The following ANKFN1 variants were observed in gnomAD, a reference collection of about 807,000 sequenced individuals.
ANKFN1 encodes ankyrin repeat and fibronectin type-III domain-containing protein 1.
ANKFN1 carries 74 observed loss-of-function variants against 108.7 expected under a neutral mutation model. The observed-to-expected ratio is 0.68, with a 90% CI of 0.56 to 0.83. The LOEUF is 0.83. Among genes scored for constraint, ANKFN1 ranks in the 40% least tolerant of loss-of-function variants. The pLI, the probability that ANKFN1 is intolerant of heterozygous loss-of-function variation, is 0.00. For missense variants in ANKFN1, 1,505 were observed against 1,382.3 expected, an observed-to-expected ratio of 1.09 and a Z score of -1.41; for synonymous variants, 547 against 516.2, an observed-to-expected ratio of 1.06 and a Z score of -0.81.
At chr17:56,346,679 A>G (rs531646122) in intron 4 of ANKFN1, among the ~76,000 whole-genome samples, 1 of 152,038 alleles carries the variant, frequency 6.6e-6, no homozygotes, top group East Asian at 1.9e-4. Context: ...CTTTGCTGTT[A>G]TGGAGAAAGG....
In ANKFN1 at chr17:56,456,803, T is replaced by C. The variant is rs1220414954; in HGVS notation, c.1208-58T>C. 12 of 1,391,912 alleles carry C rather than the reference T, an allele frequency of 8.6e-6. No homozygotes were observed. In the African/African-American group the frequency reaches 1.6e-4, roughly 18 times the overall value. 86.2% of individuals were successfully genotyped at this position (1,391,912 alleles called of 1,614,324 possible). On this transcript the variant is annotated intron_variant, in intron 11 of 20. Coordinates refer to ENST00000682825, the MANE Select transcript of ANKFN1 (RefSeq NM_001370326.1). Reference sequence around the variant, plus strand: ...AAGGCAGGAAGGTAGGAAAATGGAATTGGGGGTGTTGATCTGCCCAGTGGA... The same window carrying C: ...AAGGCAGGAAGGTAGGAAAATGGAACTGGGGGTGTTGATCTGCCCAGTGGA...
At chr17:56,198,510 A>G (rs559669666) in intron 1 of ANKFN1, among the ~76,000 whole-genome samples, 2 of 152,112 alleles carry the variant, frequency 1.3e-5, no homozygotes, top group Admixed American at 6.5e-5. Context: ...GTGTGGCCCC[A>G]TTCCTAATAG....
chr17:56,048,150 A>G (rs1486976971), intron 4 of ANKFN1, among the ~76,000 whole-genome samples: 4 of 152,224 alleles, frequency 2.6e-5, no homozygotes, highest in African/African-American at 7.2e-5. Flanking sequence ...CAACTTTCAT[A>G]GAGATTATCA....
chr17:56,400,356 A>C (rs1305153137), intron 8 of ANKFN1, among the ~76,000 whole-genome samples: 1 of 151,864 alleles, frequency 6.6e-6, no homozygotes, highest in Non-Finnish European at 1.5e-5. Flanking sequence ...GCATTTTTTC[A>C]TATGTTTGTT....
intron 4 of ANKFN1, among the ~76,000 whole-genome samples, chr17:56,064,119 C>T (rs2143117254): frequency 6.6e-6 from 1 of 152,288 alleles, no homozygotes; most frequent in African/African-American, 2.4e-5. Context: ...GTGCGTACTC[C>T]TTCTTCTGGG....
At chr17:56,504,937 T>G (rs920063823) in intron 20 of ANKFN1, among the ~76,000 whole-genome samples, 5 of 151,458 alleles carry the variant, frequency 3.3e-5, no homozygotes, top group Non-Finnish European at 5.9e-5. Flanking sequence ...CCTCCCAAAG[T>G]GCTGGGATTA....
intron 1 of ANKFN1, among the ~76,000 whole-genome samples, chr17:56,167,314 C>CAT (rs1486250052): frequency 1.0e-4 from 7 of 69,892 alleles, no homozygotes; most frequent in African/African-American, 4.0e-4. Flanking sequence ...TACACACACA[C>CAT]ACACATATAT....
Position 56,239,022 on chromosome 17 carries a change from G to T in ANKFN1, c.53+11065G>T, listed in dbSNP as rs548651367. On this transcript the variant is annotated intron_variant, in intron 3 of 20. Coordinates refer to ENST00000682825, the MANE Select transcript of ANKFN1 (RefSeq NM_001370326.1). ...AGACAATCTCCTAAGTCTTCAGCAG[G>T]CAGTTTCTACCATCCTTGCCATGAA... Among the ~76,000 whole-genome samples, 3 of 152,198 alleles carry T rather than the reference G, an allele frequency of 2.0e-5. No homozygotes were observed. In the South Asian group the frequency reaches 6.2e-4, roughly 32 times the overall value.
chr17:56,123,568 A>C (rs2143307277), intron 4 of ANKFN1, among the ~76,000 whole-genome samples: 1 of 152,332 alleles, frequency 6.6e-6, no homozygotes, highest in South Asian at 2.1e-4. Context: ...GCCTTTATCC[A>C]GTGAGAATGA....
chr17:56,067,738 A>G (rs1905077027), intron 4 of ANKFN1, among the ~76,000 whole-genome samples: 1 of 152,230 alleles, frequency 6.6e-6, no homozygotes, highest in South Asian at 2.1e-4. Flanking sequence ...TAAAAAGTCA[A>G]CAGCTTTCCT....
rs562494028 is a variant in ANKFN1 at position 56,386,363 on chromosome 17, G to C, written c.910+11649G>C. ...GGAGGGATAGCATCAGGAGATATAC[G>C]TAATGCTAAATGACAAGTTAATGGG... On this transcript the variant is annotated intron_variant, in intron 8 of 20. Coordinates refer to ENST00000682825, the MANE Select transcript of ANKFN1 (RefSeq NM_001370326.1). Among the ~76,000 whole-genome samples, 400 of 151,840 alleles carry C rather than the reference G, an allele frequency of 2.6e-3. 5 individuals are homozygous for C. The highest frequency in any genetic ancestry group is 8.8e-3 in the African/African-American group (366 of 41,362).
At chr17:56,402,807 C>CTTTTA (rs2047801727) in intron 8 of ANKFN1, among the ~76,000 whole-genome samples, 1 of 151,828 alleles carries the variant, frequency 6.6e-6, no homozygotes, top group African/African-American at 2.4e-5. Context: ...AATGTCAGTT[C>CTTTTA]GTGCTCTTTT....
At chr17:56,351,232 A>G (rs1412015740) in intron 5 of ANKFN1, among the ~76,000 whole-genome samples, 1 of 151,826 alleles carries the variant, frequency 6.6e-6, no homozygotes, top group Non-Finnish European at 1.5e-5. Flanking sequence ...AAATAAATAA[A>G]CCTCAAAAAA....
At chr17:56,078,841 G>A (rs1038801623) in intron 4 of ANKFN1, among the ~76,000 whole-genome samples, 5 of 152,194 alleles carry the variant, frequency 3.3e-5, no homozygotes, top group African/African-American at 1.2e-4. Context: ...AAAGGAGGAA[G>A]ACTTATTTTC....
intron 7 of ANKFN1, among the ~76,000 whole-genome samples, chr17:56,374,233 C>G (rs1474166746): frequency 6.6e-6 from 1 of 152,114 alleles, no homozygotes; most frequent in Non-Finnish European, 1.5e-5. Context: ...CAAAAAGCCT[C>G]CAGTGAAACG....
intron 4 of ANKFN1, among the ~76,000 whole-genome samples, chr17:56,051,818 A>G (rs1439092661): frequency 1.3e-5 from 2 of 151,612 alleles, no homozygotes; most frequent in Non-Finnish European, 2.9e-5. Flanking sequence ...TCCCATTCAC[A>G]ATTGCTTCAA....
intron 2 of ANKFN1, among the ~76,000 whole-genome samples, chr17:56,225,387 C>T (rs1916191389): frequency 6.6e-6 from 1 of 152,164 alleles, no homozygotes; most frequent in Admixed American, 6.5e-5. Context: ...TATTTCAATG[C>T]TTCCCCAAAT....
chr17:56,510,334 A>C, intron 20 of ANKFN1, 139 bp from the exon 21 acceptor site: 1 of 734,522 alleles, frequency 1.4e-6, no homozygotes, highest in Non-Finnish European at 2.2e-6. Context: ...ATGTGTCAGC[A>C]TTTCAGGAGG....
chr17:56,177,544 G>T (rs879740336), intron 1 of ANKFN1, among the ~76,000 whole-genome samples: 10 of 152,294 alleles, frequency 6.6e-5, no homozygotes, highest in Middle Eastern at 3.4e-3. Flanking sequence ...GAATTTTCCT[G>T]CTTTGGCTGA....
Sources: gnomAD v4.1 joint callset for allele counts (sites outside exome capture counted in the v4.1 genomes callset) on GRCh38, gnomAD v4.1.1 for gene constraint, MANE v1.5 for transcripts, NCBI Gene and HGNC (gene_info 2026-07-23, HGNC 2026-07-21) for gene names.